SYT16: variants seen among roughly 807,000 people sequenced by gnomAD.
SYT16 encodes synaptotagmin-16.
A neutral mutation model predicts 61.4 loss-of-function variants in SYT16; 42 were observed. The observed-to-expected ratio is 0.68, with a 90% confidence interval of 0.53 to 0.89. The LOEUF (loss-of-function observed/expected upper bound fraction) is 0.89. SYT16 is among the 40% of genes least tolerant of loss of function. The probability of loss-of-function intolerance (pLI) is 0.00; values close to 1 mark genes in which losing one functional copy is unlikely to be tolerated. For missense variants in SYT16, 804 were observed against 807.3 expected, an observed-to-expected ratio of 1.00 and a Z score of 0.05; for synonymous variants, 314 against 302.3, an observed-to-expected ratio of 1.04 and a Z score of -0.40.
intron 1 of SYT16, among the ~76,000 whole-genome samples, chr14:61,855,750 G>A (rs2046754325): frequency 6.6e-6 from 1 of 152,156 alleles, no homozygotes; most frequent in Non-Finnish European, 1.5e-5. Flanking sequence ...GAGTAGAGTG[G>A]TAATTATGTT....
intron 3 of SYT16, among the ~76,000 whole-genome samples, chr14:62,000,098 G>GTTT: frequency 2.8e-5 from 1 of 35,514 alleles, no homozygotes; most frequent in East Asian, 2.3e-3. Flanking sequence ...TTTGTCTCTC[G>GTTT]ATTTTTTTTT....
chr14:62,060,870 T>G (rs1159265054), intron 3 of SYT16, among the ~76,000 whole-genome samples: 1 of 152,098 alleles, frequency 6.6e-6, no homozygotes, highest in East Asian at 1.9e-4. Flanking sequence ...TTCTTTCTCT[T>G]CTTTCTATAA....
intron 3 of SYT16, among the ~76,000 whole-genome samples, chr14:62,046,968 T>C (rs1200852783): frequency 6.6e-6 from 1 of 152,226 alleles, no homozygotes; most frequent in Non-Finnish European, 1.5e-5. Flanking sequence ...AACTTTCAAA[T>C]AGTTTTTTCC....
chr14:61,968,174 T>A (rs896996884), intron 1 of SYT16, among the ~76,000 whole-genome samples: 1 of 152,068 alleles, frequency 6.6e-6, no homozygotes, highest in African/African-American at 2.4e-5. Flanking sequence ...GGCATGAGAA[T>A]CGCTTAAACT....
chr14:61,844,014 T>C (rs2046371672), intron 1 of SYT16, among the ~76,000 whole-genome samples: 1 of 152,212 alleles, frequency 6.6e-6, no homozygotes, highest in Non-Finnish European at 1.5e-5. Flanking sequence ...TTTAGCAATG[T>C]TGATTTTTCC....
chr14:61,916,670 G>A (rs985811954), intron 1 of SYT16, among the ~76,000 whole-genome samples: 4 of 151,974 alleles, frequency 2.6e-5, no homozygotes, highest in Non-Finnish European at 4.4e-5. Context: ...CTGTGCTATC[G>A]AACAGTGGAA....
At chr14:61,911,165 A>T (rs898742137) in intron 1 of SYT16, among the ~76,000 whole-genome samples, 1 of 152,202 alleles carries the variant, frequency 6.6e-6, no homozygotes, top group African/African-American at 2.4e-5. Context: ...ATGGACAAGT[A>T]TTTCCTAGGA....
At chr14:62,070,289 A>T (rs1176435976) in intron 4 of SYT16, among the ~76,000 whole-genome samples, 1 of 152,232 alleles carries the variant, frequency 6.6e-6, no homozygotes, top group African/African-American at 2.4e-5. Flanking sequence ...TACGAAATCA[A>T]TGGGTATTTT....
chr14:61,865,396 A>T, intron 1 of SYT16: 1 of 619,238 alleles, frequency 1.6e-6, no homozygotes, highest in South Asian at 1.4e-5. Flanking sequence ...CATTTATGTG[A>T]TTTACAAACT....
chr14:61,864,075 A>G (rs910756690), intron 1 of SYT16, among the ~76,000 whole-genome samples: 4 of 152,238 alleles, frequency 2.6e-5, no homozygotes, highest in Admixed American at 1.3e-4. Flanking sequence ...TGCATGGACT[A>G]TTCTGGTAAT....
At chr14:61,894,412 C>T (rs543444529) in intron 1 of SYT16, among the ~76,000 whole-genome samples, 2 of 152,058 alleles carry the variant, frequency 1.3e-5, no homozygotes, top group African/African-American at 4.8e-5. Context: ...GTCCTATCTG[C>T]AGCAACTGTG....
At chr14:61,845,384 G>C (rs948535976) in intron 1 of SYT16, among the ~76,000 whole-genome samples, 1 of 152,114 alleles carries the variant, frequency 6.6e-6, no homozygotes, top group African/African-American at 2.4e-5. Flanking sequence ...CTTGTTACTT[G>C]TCTGTTCAGG....
chr14:61,885,598 T>G (rs1325252492), intron 1 of SYT16, among the ~76,000 whole-genome samples: 1 of 152,238 alleles, frequency 6.6e-6, no homozygotes, highest in Non-Finnish European at 1.5e-5. Flanking sequence ...TACAGAATCC[T>G]GTTTTAGAAT....
chr14:61,918,950 G>T (rs889929490), intron 1 of SYT16, among the ~76,000 whole-genome samples: 4 of 152,084 alleles, frequency 2.6e-5, no homozygotes, highest in Admixed American at 6.6e-5. Context: ...ATAACTTTTG[G>T]AAATAATATA....
rs1334890054 is a variant in SYT16, at chr14:61,836,959, A to C, written c.-325+24149A>C. 2.6e-5 allele frequency among the ~76,000 whole-genome samples: 4 copies of C among 152,196 alleles called. No individual in the cohort carries two copies. The South Asian group carries it at 8.3e-4, about 31-fold the overall frequency. ...TTCCAATCTCTCCTACCTCCCCTGC[A>C]GACAGTACGCTAACCCCTACTGATA... On this transcript the variant is annotated intron_variant, in intron 1 of 7. Coordinates refer to ENST00000683842, the MANE Select transcript of SYT16 (RefSeq NM_001367656.1).
At chr14:62,049,732 A>G (rs1441953498) in intron 3 of SYT16, among the ~76,000 whole-genome samples, 2 of 152,278 alleles carry the variant, frequency 1.3e-5, no homozygotes, top group African/African-American at 2.4e-5. Context: ...TTCTTCACTT[A>G]TGAAGCTTAG....
At chr14:62,048,455 GT>G (rs1432081981) in intron 3 of SYT16, among the ~76,000 whole-genome samples, 1 of 152,012 alleles carries the variant, frequency 6.6e-6, no homozygotes, top group African/African-American at 2.4e-5. Context: ...TTTTTGAAGG[GT>G]TTTTTGTGTC....
At chr14:62,048,998 G>T (rs1013955912) in intron 3 of SYT16, among the ~76,000 whole-genome samples, 2 of 152,118 alleles carry the variant, frequency 1.3e-5, no homozygotes, top group Non-Finnish European at 2.9e-5. Context: ...AGGTCTGCTT[G>T]GTGCAGAGCT....
chr14:61,880,350 G>C (rs2047656877), intron 1 of SYT16, among the ~76,000 whole-genome samples: 1 of 152,202 alleles, frequency 6.6e-6, no homozygotes, highest in South Asian at 2.1e-4. Context: ...ACATCATACT[G>C]TCTTAGTTGC....
Sources: gnomAD v4.1 joint callset for allele counts (sites outside exome capture counted in the v4.1 genomes callset) on GRCh38, gnomAD v4.1.1 for gene constraint, MANE v1.5 for transcripts, NCBI Gene and HGNC (gene_info 2026-07-23, HGNC 2026-07-21) for gene names.